The following CDK5RAP2 variants were observed in gnomAD, a reference collection of about 807,000 sequenced individuals.
CDK5RAP2 encodes the protein CDK5 regulatory subunit associated protein 2.
A neutral mutation model predicts 232.9 loss-of-function variants in CDK5RAP2; 147 were observed. The observed-to-expected ratio is 0.63, with a 90% CI of 0.55 to 0.72. The LOEUF is 0.72. Among genes scored for constraint, CDK5RAP2 ranks in the 30% least tolerant of loss-of-function variants. The pLI is 0.00. For missense variants in CDK5RAP2, 2,195 were observed against 2,231.5 expected (o/e 0.98, Z 0.33); for synonymous variants, 833 against 833.7 (o/e 1.00, Z 0.01).
intron 13 of CDK5RAP2, among the ~76,000 whole-genome samples, chr9:120,489,485 CTCTT>C (rs1221709463): frequency 2.0e-5 from 3 of 152,198 alleles, no homozygotes; most frequent in East Asian, 3.9e-4. Flanking sequence ...TATTTTGGAC[CTCTT>C]GTATCAAGCC....
chr9:120,544,863 C>G (rs756198507), intron 5 of CDK5RAP2, among the ~76,000 whole-genome samples: 4 of 152,086 alleles, frequency 2.6e-5, no homozygotes, highest in Non-Finnish European at 4.4e-5. Context: ...CTGATGAGCT[C>G]TTGGAGTAGA....
rs10984902 is a variant in CDK5RAP2, at chr9:120,394,464, G to A, written c.5578+48C>T. 0.13 allele frequency: 203,684 copies of A among 1,612,548 alleles called. 14,180 individuals are homozygous for A. Among genetic ancestry groups the A allele is most frequent in the Middle Eastern group, 0.18 (1,077 of 6,054 alleles). ...ATCCAGGGCAGAACTGGGAGCCCTC[G>A]GAGGCAGGAAGTGGTCAGGCATAGC... On this transcript the variant is annotated intron_variant, in intron 36 of 37. Transcript: ENST00000349780.
intron 27 of CDK5RAP2, among the ~76,000 whole-genome samples, chr9:120,419,390 A>G (rs1317375286): frequency 1.3e-5 from 2 of 152,246 alleles, no homozygotes; most frequent in African/African-American, 2.4e-5. Flanking sequence ...ATATAAAAAT[A>G]TCAGAACAGG....
rs545817460 is a variant in CDK5RAP2, at chr9:120,547,615, A to C, written c.307-1825T>G. 1.1e-3 allele frequency among the ~76,000 whole-genome samples: 160 copies of C among 152,228 alleles called. 1 individual carries two copies. Among genetic ancestry groups the C allele is most frequent in the South Asian group, 2.9e-3 (14 of 4,822 alleles). ...CGAGACTCCATCTCAAAAAAAAAAA[A>C]TCATTTCCAGTAAGATTTACCGTCT... is the stretch of plus-strand genomic sequence containing the variant. On this transcript the variant is annotated intron_variant, in intron 4 of 37. Transcript: ENST00000349780.
chr9:120,549,396 T>A (rs1256495075), intron 4 of CDK5RAP2, among the ~76,000 whole-genome samples: 1 of 152,208 alleles, frequency 6.6e-6, no homozygotes, highest in Non-Finnish European at 1.5e-5. Context: ...TTAGGCTTTT[T>A]GAATTCTAAA....
intron 25 of CDK5RAP2, among the ~76,000 whole-genome samples, chr9:120,426,714 G>C (rs956333798): frequency 1.3e-5 from 2 of 152,312 alleles, no homozygotes; most frequent in Non-Finnish European, 1.5e-5. Flanking sequence ...TTCCCTACAA[G>C]AGACAGCATT....
intron 2 of CDK5RAP2, among the ~76,000 whole-genome samples, chr9:120,570,269 C>T (rs1299694876): frequency 6.6e-6 from 1 of 152,152 alleles, no homozygotes; most frequent in East Asian, 1.9e-4. Flanking sequence ...GGATGCTCAT[C>T]CCCTCCTTTT....
intron 34 of CDK5RAP2, 95 bp from the exon 35 acceptor site, chr9:120,400,980 G>A: frequency 9.2e-6 from 13 of 1,413,384 alleles, no homozygotes; most frequent in Non-Finnish European, 1.3e-5. Context: ...AGACTGTAGG[G>A]CTTCTGTTTC....
Position 120,439,471 on chromosome 9 carries a change from T to C in CDK5RAP2, c.3650A>G (p.Gln1217Arg), listed in dbSNP as rs1322855469. The change falls in exon 24 of 38, where the codon CAG (glutamine) becomes CGG (arginine). Residue 1217 changes from glutamine (Q) to arginine (R), a missense_variant. By Grantham distance (43) the Gln-to-Arg change is conservative (BLOSUM62 1). Coordinates refer to ENST00000349780, the MANE Select transcript of CDK5RAP2 (RefSeq NM_018249.6). ...EEQEYKLQKEQNLNMQLFSEI... is the reference protein window; with the variant it reads ...EEQEYKLQKERNLNMQLFSEI... ...ACTGAAAAGTTGCATGTTCAAATTC[T>C]GCTCCTTCTGCAGCTTGTATTCCTG... 11 of 1,614,120 alleles carry C rather than the reference T, an allele frequency of 6.8e-6. No individual in the cohort carries two copies. Among genetic ancestry groups the C allele is most frequent in the Non-Finnish European group, 9.3e-6 (11 of 1,180,034 alleles).
At chr9:120,578,444 A>C (rs985865463) in intron 1 of CDK5RAP2, among the ~76,000 whole-genome samples, 2 of 152,186 alleles carry the variant, frequency 1.3e-5, no homozygotes, top group Non-Finnish European at 2.9e-5. Context: ...ACTGCAAAGC[A>C]TCTTAGTCTG....
intron 7 of CDK5RAP2, among the ~76,000 whole-genome samples, chr9:120,533,797 TAAAAAAAAAAAAA>T (rs147527299): frequency 1.9e-5 from 1 of 52,716 alleles, no homozygotes; most frequent in South Asian, 7.5e-4. Flanking sequence ...AGACTCCATC[TAAAAAAAAAAAAA>T]AAAAAAAAAA....
intron 36 of CDK5RAP2, among the ~76,000 whole-genome samples, chr9:120,391,448 CT>C (rs1003734686): frequency 1.4e-4 from 21 of 152,242 alleles, no homozygotes; most frequent in African/African-American, 4.6e-4. Context: ...GTCCATGGTT[CT>C]TCCCACCTCA....
At chr9:120,420,657 G>A (rs1218923214) in intron 26 of CDK5RAP2, among the ~76,000 whole-genome samples, 5 of 151,904 alleles carry the variant, frequency 3.3e-5, no homozygotes. Flanking sequence ...CTTAATTGAT[G>A]CTCTTTTTTT....
intron 11 of CDK5RAP2, among the ~76,000 whole-genome samples, chr9:120,524,627 G>A (rs1207728031): frequency 6.6e-6 from 1 of 151,568 alleles, no homozygotes; most frequent in African/African-American, 2.4e-5. Flanking sequence ...GACAGAGGGG[G>A]ACTCTGTCTT....
intron 4 of CDK5RAP2, among the ~76,000 whole-genome samples, chr9:120,547,596 T>C (rs1170818152): frequency 6.6e-6 from 1 of 151,334 alleles, no homozygotes; most frequent in Non-Finnish European, 1.5e-5. Flanking sequence ...AGAGCGAGAC[T>C]CCATCTCAAA....
chr9:120,503,565 A>G (rs1431386859), intron 12 of CDK5RAP2, among the ~76,000 whole-genome samples: 1 of 152,206 alleles, frequency 6.6e-6, no homozygotes, highest in African/African-American at 2.4e-5. Context: ...CTGGACTGTG[A>G]AAACAGACAG....
chr9:120,450,222 AAACAGTAT>A (rs1407068075), intron 21 of CDK5RAP2, among the ~76,000 whole-genome samples: 1 of 152,250 alleles, frequency 6.6e-6, no homozygotes, highest in Non-Finnish European at 1.5e-5. Context: ...TGAACCTCAA[AAACAGTAT>A]GCTAAGTGGA....
chr9:120,521,848 T>A (rs529294299), intron 11 of CDK5RAP2, among the ~76,000 whole-genome samples: 103 of 152,216 alleles, frequency 6.8e-4, no homozygotes, highest in African/African-American at 2.4e-3. Flanking sequence ...GGTTTCGCCA[T>A]GTTAGCCAGA....
At chr9:120,411,312 G>T in intron 29 of CDK5RAP2, 46 bp downstream of exon 29, 1 of 1,146,538 alleles carries the variant, frequency 8.7e-7, no homozygotes, top group Non-Finnish European at 1.3e-6. Context: ...CCATGACACA[G>T]AAGGCTTTGG....
Sources: gnomAD v4.1 joint callset for allele counts (sites outside exome capture counted in the v4.1 genomes callset) on GRCh38, gnomAD v4.1.1 for gene constraint, MANE v1.5 for transcripts, NCBI Gene and HGNC (gene_info 2026-07-23, HGNC 2026-07-21) for gene names.